Variants in ANK2 observed in about 807,000 individuals in gnomAD.
The protein encoded by ANK2 is ankyrin 2.
In ANK2, 83 loss-of-function variants were observed where a neutral mutation model predicts 360.5. The ratio of observed to expected loss-of-function variants is 0.23; its 90% CI spans 0.19 to 0.28. The LOEUF is 0.28. Among genes scored for constraint, ANK2 ranks in the 10% least tolerant of loss-of-function variants. The pLI, the probability that ANK2 is intolerant of heterozygous loss-of-function variation, is 1.00. For synonymous variants in ANK2, 1,740 were observed against 1,759.5 expected (o/e 0.99, Z 0.28); for missense variants, 4,201 against 4,795.7 (o/e 0.88, Z 3.66).
intron 1 of ANK2, among the ~76,000 whole-genome samples, chr4:113,163,782 AAAAAAAAAAAGAAAAC>A: frequency 9.2e-6 from 1 of 109,158 alleles, no homozygotes. Flanking sequence ...AAAAAAAAAA[AAAAAAAAAAAGAAAAC>A]CCAGCTTTAT....
At chr4:113,010,046 G>GA (rs1208354208) in intron 2 of ANK2, among the ~76,000 whole-genome samples, 1 of 152,054 alleles carries the variant, frequency 6.6e-6, no homozygotes, top group Non-Finnish European at 1.5e-5. Context: ...GGCAAAAGGT[G>GA]AAAAAATTGA....
At chr4:113,379,656 G>A (rs2154087141) in intron 45 of ANK2, among the ~76,000 whole-genome samples, 1 of 152,180 alleles carries the variant, frequency 6.6e-6, no homozygotes, top group Admixed American at 6.5e-5. Flanking sequence ...TCAATCATTG[G>A]AATCAAATTT....
chr4:112,831,434 T>C (rs2059708664), intron 1 of ANK2, among the ~76,000 whole-genome samples: 1 of 152,134 alleles, frequency 6.6e-6, no homozygotes, highest in African/African-American at 2.4e-5. Flanking sequence ...AGCTAAAGGA[T>C]TGTAAATGCA....
At chr4:113,236,557 C>T (rs2099385582) in intron 5 of ANK2, among the ~76,000 whole-genome samples, 2 of 152,164 alleles carry the variant, frequency 1.3e-5, no homozygotes, top group Non-Finnish European at 2.9e-5. Flanking sequence ...TAATAACCTG[C>T]ATAGTCAATC....
intron 45 of ANK2, among the ~76,000 whole-genome samples, chr4:113,375,730 A>G (rs2096905561): frequency 6.6e-6 from 1 of 151,952 alleles, no homozygotes; most frequent in South Asian, 2.1e-4. Flanking sequence ...GTCTCAAAAA[A>G]AAAAAAGAAA....
chr4:112,984,724 A>C (rs181798418), intron 2 of ANK2, among the ~76,000 whole-genome samples: 1 of 152,086 alleles, frequency 6.6e-6, no homozygotes, highest in South Asian at 2.1e-4. Context: ...TTACCCAATC[A>C]TGAGAGGTTA....
intron 1 of ANK2, among the ~76,000 whole-genome samples, chr4:113,089,717 G>C (rs954028029): frequency 6.6e-6 from 1 of 152,102 alleles, no homozygotes; most frequent in Non-Finnish European, 1.5e-5. Flanking sequence ...CCAGCTACTC[G>C]GGAGGCTGAG....
intron 42 of ANK2, among the ~76,000 whole-genome samples, chr4:113,368,962 T>A (rs1253944418): frequency 6.6e-6 from 1 of 152,196 alleles, no homozygotes; most frequent in Non-Finnish European, 1.5e-5. Flanking sequence ...GTTATCAAAG[T>A]TACATTGGAG....
chr4:112,741,500 G>T, the ANK2 span, among the ~76,000 whole-genome samples: 9 of 152,280 alleles, frequency 5.9e-5, no homozygotes, highest in Non-Finnish European at 1.2e-4. Context: ...TAGCGATAGG[G>T]TGGCAGAGCA....
chr4:113,207,936 G>A lies in ANK2; in HGVS notation c.384+8827G>A, dbSNP rs118175930. 2.8e-4 allele frequency among the ~76,000 whole-genome samples: 43 copies of A among 152,234 alleles called. No homozygotes were observed. The East Asian group carries it at 7.7e-3, about 27-fold the overall frequency. On this transcript the variant is annotated intron_variant, in intron 4 of 45. Transcript: ENST00000357077. ...TGTTAATGCGCACATCAGCGGTCAG[G>A]GGATGAAGTGTGCTATGGGCAAATA...
chr4:113,360,754 T>G lies in ANK2; in HGVS notation c.10682-69T>G. On this transcript the variant is annotated intron_variant, in intron 38 of 45. Coordinates refer to ENST00000357077, the MANE Select transcript of ANK2 (RefSeq NM_001148.6). ...GGAGAAGTGACTTCCTTTCTTTGAA[T>G]GAATCAGTACTGTGGTTCCTCTCCT... 2.2e-6 allele frequency: 3 copies of G among 1,355,496 alleles called. No homozygotes were observed. In the South Asian group the frequency reaches 3.7e-5, roughly 17 times the overall value. The allele number at this position is 1,355,496 out of a possible 1,614,324, so 84.0% of individuals were successfully genotyped here. A position where few individuals can be genotyped will look rare whatever the true frequency, so the allele number is the denominator to read the frequency against.
intron 1 of ANK2, among the ~76,000 whole-genome samples, chr4:113,073,155 T>A (rs2078432478): frequency 6.6e-6 from 1 of 151,664 alleles, no homozygotes; most frequent in African/African-American, 2.4e-5. Flanking sequence ...AGAGATGGGG[T>A]TTCACCATGT....
intron 2 of ANK2, among the ~76,000 whole-genome samples, chr4:113,030,825 C>T (rs1253605791): frequency 6.6e-6 from 1 of 151,988 alleles, no homozygotes; most frequent in East Asian, 1.9e-4. Context: ...AGGTTTAAAA[C>T]ATTTCAAAAG....
intron 1 of ANK2, among the ~76,000 whole-genome samples, chr4:113,154,816 T>C (rs1158880859): frequency 6.6e-6 from 1 of 152,192 alleles, no homozygotes; most frequent in Non-Finnish European, 1.5e-5. Flanking sequence ...GTGATCTAGA[T>C]GGACATGCCA....
chr4:112,784,975 TTTGATGCCGTGGCCAATAA>T, the ANK2 span, among the ~76,000 whole-genome samples: 6 of 152,180 alleles, frequency 3.9e-5, no homozygotes, highest in Admixed American at 6.5e-5. Flanking sequence ...GTTTACTCAG[TTTGATGCCGTGGCCAATAA>T]AATAAAACAA....
At position 113,192,848 on chromosome 4, in the gene ANK2, TAC is replaced by T. The variant is rs2098690170; in HGVS notation, c.187-3518_187-3517del. ...TAGTAAGATTCCGAAGACCAATTTTTACAGTTTTTTCTTCTCCCAGGCAAATG... is the reference window on the plus strand; with the variant it reads ...TAGTAAGATTCCGAAGACCAATTTTTAGTTTTTTCTTCTCCCAGGCAAATG... On this transcript the variant is annotated intron_variant, in intron 2 of 45. Transcript: ENST00000357077. Among the ~76,000 whole-genome samples the T allele has an allele frequency of 2.0e-5, 3 of 151,684 alleles. No homozygotes were observed. The South Asian group carries it at 6.2e-4, about 32-fold the overall frequency.
chr4:113,380,205 C>G (rs1284650486), intron 45 of ANK2, among the ~76,000 whole-genome samples: 2 of 151,564 alleles, frequency 1.3e-5, no homozygotes, highest in Non-Finnish European at 2.9e-5. Flanking sequence ...TATGGAGTAG[C>G]CATTTTTTAT....
At chr4:112,890,901 G>T (rs1404202399) in intron 1 of ANK2, among the ~76,000 whole-genome samples, 2 of 152,096 alleles carry the variant, frequency 1.3e-5, no homozygotes, top group Non-Finnish European at 2.9e-5. Flanking sequence ...TGCAATGTTA[G>T]GTGCTATCCA....
intron 2 of ANK2, among the ~76,000 whole-genome samples, chr4:112,990,999 C>T (rs1204074611): frequency 6.6e-6 from 1 of 152,164 alleles, no homozygotes; most frequent in Admixed American, 6.5e-5. Context: ...TGCCTGTAAT[C>T]CCAGCACTTT....
Sources: gnomAD v4.1 joint callset for allele counts (sites outside exome capture counted in the v4.1 genomes callset) on GRCh38, gnomAD v4.1.1 for gene constraint, MANE v1.5 for transcripts, NCBI Gene and HGNC (gene_info 2026-07-23, HGNC 2026-07-21) for gene names.